Variants in NCAM2 observed in about 807,000 individuals in gnomAD.
The protein encoded by NCAM2 is neural cell adhesion molecule 2, also known as N-CAM-2.
A neutral mutation model predicts 98.1 loss-of-function variants in NCAM2; 30 were observed. The ratio of observed to expected loss-of-function variants is 0.31; its 90% CI spans 0.23 to 0.41. The LOEUF (loss-of-function observed/expected upper bound fraction) is 0.41, where lower values mean the gene tolerates loss of function less well. Ranked by LOEUF, NCAM2 falls within the 10% of genes least tolerant of loss-of-function variation. The probability of loss-of-function intolerance (pLI) is 1.00; values close to 1 mark genes in which losing one functional copy is unlikely to be tolerated. For synonymous variants in NCAM2, 368 were observed against 342.4 expected (o/e 1.07, Z -0.83); for missense variants, 867 against 1,005.8 (o/e 0.86, Z 1.87).
intron 11 of NCAM2, among the ~76,000 whole-genome samples, chr21:21,420,318 A>G (rs1476589566): frequency 6.6e-6 from 1 of 152,076 alleles, no homozygotes; most frequent in Non-Finnish European, 1.5e-5. Flanking sequence ...CATACAAACC[A>G]GAAAGCCAGA....
In NCAM2 at chr21:21,391,925, C is replaced by CAA. The variant is rs34199074; in HGVS notation, c.1195+17920_1195+17921dup. ...ATTATCAATGAGTTCAGTCTAATGC[C>CAA]AAAAAAAAATTCTTATTTTTAAAAA... On this transcript the variant is annotated intron_variant, in intron 9 of 17. Transcript: ENST00000400546. Among the ~76,000 whole-genome samples the CAA allele has an allele frequency of 2.6e-5, 4 of 151,112 alleles. No homozygotes were observed. The East Asian group carries it at 5.8e-4, about 22-fold the overall frequency.
At chr21:21,411,033 C>T (rs8130890) in intron 10 of NCAM2, among the ~76,000 whole-genome samples, 4 of 65,936 alleles carry the variant, frequency 6.1e-5, no homozygotes, top group African/African-American at 2.0e-4. Flanking sequence ...TATATATATA[C>T]ACACATATAT....
At chr21:21,038,555 C>T (rs984648315) in intron 1 of NCAM2, among the ~76,000 whole-genome samples, 2 of 152,044 alleles carry the variant, frequency 1.3e-5, no homozygotes, top group African/African-American at 4.8e-5. Flanking sequence ...TTATAAGAGG[C>T]CTTAATCCCC....
chr21:21,297,614 A>G (rs558399808), intron 5 of NCAM2, among the ~76,000 whole-genome samples: 71 of 151,830 alleles, frequency 4.7e-4, no homozygotes, highest in Non-Finnish European at 9.9e-4. Flanking sequence ...ATGCCCACTT[A>G]CACATCATGG....
rs1221041751 is a variant in NCAM2, at chr21:21,292,174, C to T, written c.552C>T (p.Tyr184=). The T allele has an allele frequency of 6.8e-6, 11 of 1,610,958 alleles. No homozygotes were observed. The highest frequency in any genetic ancestry group is 9.3e-6 in the Non-Finnish European group (11 of 1,178,220). ...LNINKSDEGI[Y]RCEGRVEARG... ...TCAATAAAAGTGATGAAGGTATATACAGATGTGAAGGAAGAGTGGAGGCCA... is the reference window on the plus strand; with the variant it reads ...TCAATAAAAGTGATGAAGGTATATATAGATGTGAAGGAAGAGTGGAGGCCA... Residue 184 remains tyrosine, a synonymous_variant, in exon 5 of 18, where the codon TAC becomes TAT. Transcript: ENST00000400546.
chr21:21,414,165 A>G lies in NCAM2; in HGVS notation c.1383+3704A>G, dbSNP rs541179195. On this transcript the variant is annotated intron_variant, in intron 10 of 17. Coordinates refer to ENST00000400546, the MANE Select transcript of NCAM2 (RefSeq NM_004540.5). ...AGAGTTTTATCATCAGATTGCAGCAATTCATTCACTTCTTCAGGCTCCATT... is the reference window on the plus strand; with the variant it reads ...AGAGTTTTATCATCAGATTGCAGCAGTTCATTCACTTCTTCAGGCTCCATT... Among the ~76,000 whole-genome samples the G allele has an allele frequency of 2.6e-5, 4 of 152,236 alleles. 1 individual carries two copies. The East Asian group carries it at 7.7e-4, about 29-fold the overall frequency.
intron 12 of NCAM2, among the ~76,000 whole-genome samples, chr21:21,444,960 G>A (rs1979881918): frequency 6.6e-6 from 1 of 152,254 alleles, no homozygotes; most frequent in African/African-American, 2.4e-5. Flanking sequence ...GCTTTCTGAT[G>A]TAGACAATTA....
At chr21:21,453,312 T>C (rs1981620747) in intron 12 of NCAM2, among the ~76,000 whole-genome samples, 1 of 151,170 alleles carries the variant, frequency 6.6e-6, no homozygotes, top group Non-Finnish European at 1.5e-5. Flanking sequence ...CCATATGAAG[T>C]GAGGGCATGA....
At chr21:21,304,639 T>C (rs1596573) in intron 5 of NCAM2, among the ~76,000 whole-genome samples, 2,826 of 152,246 alleles carry the variant, frequency 0.019, 93 homozygotes, top group East Asian at 0.15. Flanking sequence ...TTTTTACATA[T>C]ACATATGCAC....
intron 1 of NCAM2, among the ~76,000 whole-genome samples, chr21:21,219,508 G>T (rs1396970546): frequency 1.3e-5 from 2 of 152,104 alleles, no homozygotes; most frequent in African/African-American, 4.8e-5. Context: ...ATTACATCAT[G>T]GTGAAAACAC....
intron 1 of NCAM2, among the ~76,000 whole-genome samples, chr21:21,139,432 T>C (rs535448727): frequency 6.6e-6 from 1 of 152,364 alleles, no homozygotes; most frequent in East Asian, 1.9e-4. Context: ...TGTTAATGTC[T>C]CTAGTTCTTG....
chr21:21,165,892 G>C (rs8128644), intron 1 of NCAM2, among the ~76,000 whole-genome samples: 134,940 of 152,150 alleles, frequency 0.89, 60,452 homozygotes, highest in Non-Finnish European at 0.96. Context: ...AGCAGTCTTT[G>C]TGCCTTGGTC....
At chr21:21,029,631 ATTTATTT>A (rs1264503062) in intron 1 of NCAM2, among the ~76,000 whole-genome samples, 1 of 151,838 alleles carries the variant, frequency 6.6e-6, no homozygotes, top group Non-Finnish European at 1.5e-5. Flanking sequence ...ATTATTGTTT[ATTTATTT>A]TTTATTTTTT....
rs185496699 is a variant in NCAM2 at position 21,011,532 on chromosome 21, A to T, written c.55+12914A>T. ...CGTACGTATGTATTGTGAAATTATTATATCAAGCTAAGTATCTATCGCCTT... is the reference window on the plus strand; with the variant it reads ...CGTACGTATGTATTGTGAAATTATTTTATCAAGCTAAGTATCTATCGCCTT... On this transcript the variant is annotated intron_variant, in intron 1 of 17. Transcript: ENST00000400546. Among the ~76,000 whole-genome samples the T allele has an allele frequency of 1.2e-4, 19 of 152,232 alleles. No homozygotes were observed. In the East Asian group the frequency reaches 2.9e-3, roughly 23 times the overall value.
At chr21:21,084,250 C>T (rs2065866167) in intron 1 of NCAM2, among the ~76,000 whole-genome samples, 1 of 152,168 alleles carries the variant, frequency 6.6e-6, no homozygotes, top group African/African-American at 2.4e-5. Context: ...CCTCCTAACA[C>T]CCTTACCTTA....
intron 5 of NCAM2, among the ~76,000 whole-genome samples, chr21:21,305,960 T>A (rs73320684): frequency 0.013 from 1,979 of 152,258 alleles, 42 homozygotes; most frequent in African/African-American, 0.045. Flanking sequence ...CCATTCATTT[T>A]AAAATGTTTT....
chr21:21,421,699 C>T (rs375627648), intron 11 of NCAM2, among the ~76,000 whole-genome samples: 4 of 151,976 alleles, frequency 2.6e-5, no homozygotes, highest in African/African-American at 9.7e-5. Context: ...TTAAATATTT[C>T]CTAATATATG....
intron 1 of NCAM2, among the ~76,000 whole-genome samples, chr21:21,238,827 C>G (rs1392670060): frequency 1.3e-5 from 2 of 152,088 alleles, no homozygotes; most frequent in Non-Finnish European, 2.9e-5. Flanking sequence ...CGTCAATTTC[C>G]TGGGGTTGCA....
At chr21:21,202,923 A>T (rs2069289794) in intron 1 of NCAM2, among the ~76,000 whole-genome samples, 1 of 152,128 alleles carries the variant, frequency 6.6e-6, no homozygotes, top group South Asian at 2.1e-4. Flanking sequence ...ATTTCATCAT[A>T]TTTTTATCAG....
Sources: allele counts gnomAD v4.1 joint callset (sites outside exome capture counted in the v4.1 genomes callset), GRCh38; gene constraint gnomAD v4.1.1; transcripts MANE v1.5; gene names NCBI Gene and HGNC (gene_info 2026-07-23, HGNC 2026-07-21).